The following SH3RF2 variants were observed in gnomAD, a reference collection of about 807,000 sequenced individuals.
SH3RF2 encodes the protein SH3 domain containing ring finger 2, also known as E3 ubiquitin-protein ligase SH3RF2.
Under a neutral mutation model 59.0 loss-of-function variants are expected in SH3RF2, and 43 were observed. The ratio of observed to expected loss-of-function variants is 0.73; its 90% CI spans 0.57 to 0.94. SH3RF2 has a LOEUF of 0.94. Among genes scored for constraint, SH3RF2 ranks in the 40% least tolerant of loss-of-function variants. The probability of loss-of-function intolerance (pLI) is 0.00; values close to 1 mark genes in which losing one functional copy is unlikely to be tolerated. For missense variants in SH3RF2, 930 were observed against 940.1 expected, an observed-to-expected ratio of 0.99 and a Z score of 0.14; for synonymous variants, 391 against 391.5, an observed-to-expected ratio of 1.00 and a Z score of 0.01.
chr5:146,070,580 T>C (rs961221910), intron 9 of SH3RF2, among the ~76,000 whole-genome samples: 16 of 152,202 alleles, frequency 1.1e-4, no homozygotes, highest in African/African-American at 3.4e-4. Context: ...CACTCTCTCT[T>C]CATGAGATTA....
chr5:146,042,888 G>A (rs1461663654), intron 5 of SH3RF2: 1 of 152,184 alleles, frequency 6.6e-6, no homozygotes, highest in Non-Finnish European at 1.5e-5. Flanking sequence ...TACTTACCCC[G>A]ATCTGGCTCA....
Position 146,056,066 on chromosome 5 carries a change from A to G in SH3RF2, c.1408A>G (p.Ser470Gly). 1 of 1,614,244 alleles carries G rather than the reference A, an allele frequency of 6.2e-7. No individual in the cohort carries two copies. Among genetic ancestry groups the G allele is most frequent in the Non-Finnish European group, 8.5e-7 (1 of 1,180,036 alleles). The change falls in exon 8 of 10, where the codon AGC becomes GGC. Residue 470 changes from serine to glycine, a missense_variant. Coordinates refer to ENST00000359120, the MANE Select transcript of SH3RF2 (RefSeq NM_152550.4). ...CACCTCCTCTGTGTCCTCCCAAGGC[A>G]GCATTTCAGAAGGTGATCCACGGCA... ...LSTSSVSSQG[S>G]ISEGDPRQSR...
intron 9 of SH3RF2, 73 bp from the exon 10 acceptor site, chr5:146,062,353 A>C: frequency 6.5e-7 from 1 of 1,540,326 alleles, no homozygotes; most frequent in Non-Finnish European, 8.8e-7. Context: ...GAGACATTTC[A>C]AGTGGGGACA....
rs545304409 is a variant in SH3RF2 at position 145,992,969 on chromosome 5, C to T, written c.379-7089C>T. 1.1e-4 allele frequency among the ~76,000 whole-genome samples: 17 copies of T among 152,256 alleles called. No homozygotes were observed. In the East Asian group the frequency reaches 3.3e-3, roughly 29 times the overall value. ...GTCCAAAGTCTCATCCAAGACAAGGCAAGTCCCTTTCACCTACGAGCCTGT... is the reference window on the plus strand; with the variant it reads ...GTCCAAAGTCTCATCCAAGACAAGGTAAGTCCCTTTCACCTACGAGCCTGT... On this transcript the variant is annotated intron_variant, in intron 2 of 9. Coordinates refer to ENST00000359120, the MANE Select transcript of SH3RF2 (RefSeq NM_152550.4).
At chr5:145,964,158 TTTTC>T (rs1758758376) in intron 2 of SH3RF2, among the ~76,000 whole-genome samples, 1 of 150,908 alleles carries the variant, frequency 6.6e-6, no homozygotes, top group South Asian at 2.1e-4. Context: ...TCCTTCCTTC[TTTTC>T]TTTTTTTCTT....
At chr5:146,078,681 G>C (rs1763377764) in exon 10 of SH3RF2, 1 of 152,272 alleles carries the variant, frequency 6.6e-6, no homozygotes, top group South Asian at 2.1e-4. Context: ...ATTAATGGGT[G>C]GTGGGCCAGA....
At chr5:145,953,217 TG>T (rs1758260713) in intron 2 of SH3RF2, among the ~76,000 whole-genome samples, 1 of 151,574 alleles carries the variant, frequency 6.6e-6, no homozygotes, top group Non-Finnish European at 1.5e-5. Context: ...GGGTATGAAA[TG>T]GAGGATAAAA....
At chr5:145,974,044 T>A (rs536240937) in intron 2 of SH3RF2, among the ~76,000 whole-genome samples, 18 of 152,202 alleles carry the variant, frequency 1.2e-4, no homozygotes, top group Non-Finnish European at 2.4e-4. Flanking sequence ...AGGATTCTTA[T>A]CAGGAGGCTC....
At chr5:145,963,619 T>C (rs1758722377) in intron 2 of SH3RF2, among the ~76,000 whole-genome samples, 1 of 152,068 alleles carries the variant, frequency 6.6e-6, no homozygotes. Flanking sequence ...GAAAGTTTGT[T>C]TTAATATAAA....
intron 9 of SH3RF2, among the ~76,000 whole-genome samples, chr5:146,076,997 C>A (rs1216202805): frequency 1.3e-5 from 2 of 152,144 alleles, no homozygotes; most frequent in African/African-American, 4.8e-5. Context: ...GAAAAGAAAT[C>A]AGGGTCTAGA....
chr5:146,063,760 C>T (rs775321306), downstream of SH3RF2, among the ~76,000 whole-genome samples: 12 of 151,794 alleles, frequency 7.9e-5, no homozygotes, highest in Non-Finnish European at 1.0e-4. Flanking sequence ...CTCTTGAGGC[C>T]GAGGCATGAA....
intron 2 of SH3RF2, among the ~76,000 whole-genome samples, chr5:145,953,967 A>G (rs553371285): frequency 6.6e-6 from 1 of 152,296 alleles, no homozygotes; most frequent in South Asian, 2.1e-4. Flanking sequence ...ATTGATGGGC[A>G]TTTAGATTGA....
At chr5:145,938,583 A>G (rs1205844835) in intron 2 of SH3RF2, among the ~76,000 whole-genome samples, 2 of 152,200 alleles carry the variant, frequency 1.3e-5, no homozygotes, top group Non-Finnish European at 2.9e-5. Context: ...CTTTTAGATT[A>G]TATTTTTGGT....
chr5:145,988,209 C>T (rs558985772), intron 2 of SH3RF2, among the ~76,000 whole-genome samples: 8 of 152,066 alleles, frequency 5.3e-5, no homozygotes, highest in African/African-American at 1.9e-4. Context: ...TTTACCATCT[C>T]AGACCACCCA....
In SH3RF2 at chr5:145,994,012, C is replaced by A. The variant is rs139379305; in HGVS notation, c.379-6046C>A. Among the ~76,000 whole-genome samples, 1,040 of 152,318 alleles carry A rather than the reference C, an allele frequency of 6.8e-3. 12 individuals carry two copies. The highest frequency in any genetic ancestry group is 0.024 in the African/African-American group (1,000 of 41,570). ...ATGCCTTTAACAGCACCCAAGTCAC[C>A]TCTTGAATGCTTTGCTGCTTAGAAA... On this transcript the variant is annotated intron_variant, in intron 2 of 9. Transcript: ENST00000359120.
intron 5 of SH3RF2, among the ~76,000 whole-genome samples, chr5:146,042,011 A>G (rs1762142752): frequency 6.6e-6 from 1 of 152,160 alleles, no homozygotes; most frequent in Non-Finnish European, 1.5e-5. Flanking sequence ...GGCCCTTGTT[A>G]GTTTTGGGGA....
intron 2 of SH3RF2, among the ~76,000 whole-genome samples, chr5:145,939,430 G>C (rs17104040): frequency 0.016 from 2,459 of 152,228 alleles, 69 homozygotes; most frequent in African/African-American, 0.055. Context: ...TACGCATTTG[G>C]AACAACTTTC....
rs1332458569 is a variant in SH3RF2, at chr5:145,938,306, G to A, written c.378G>A (p.Gly126=). The change falls in exon 2 of 10, where the codon GGG becomes GGA. Residue 126 remains glycine (G), a splice_region_variant and synonymous_variant. Coordinates refer to ENST00000359120, the MANE Select transcript of SH3RF2 (RefSeq NM_152550.4). ...CTAATGTCAGAATCCACATGGATGG[G>A]GTAAGAGAGATCTTATTTGCTAATA... ...LVPNVRIHMD[G]VPRAKALCNY... 6.5e-7 allele frequency: 1 copy of A among 1,528,272 alleles called. No homozygotes were observed. The highest frequency in any genetic ancestry group is 2.0e-5 in the Admixed American group (1 of 48,890). The allele number at this position is 1,528,272 out of a possible 1,614,324, so 94.7% of individuals were successfully genotyped here. A position where few individuals can be genotyped will look rare whatever the true frequency, so the allele number is the denominator to read the frequency against.
At chr5:146,054,327 C>A (rs1012954947) in intron 7 of SH3RF2, among the ~76,000 whole-genome samples, 2 of 152,156 alleles carry the variant, frequency 1.3e-5, no homozygotes, top group Non-Finnish European at 2.9e-5. Flanking sequence ...TGGAATAAGG[C>A]TGGTGTGGGC....
Sources: gnomAD v4.1 joint callset for allele counts (sites outside exome capture counted in the v4.1 genomes callset) on GRCh38, gnomAD v4.1.1 for gene constraint, MANE v1.5 for transcripts, NCBI Gene and HGNC (gene_info 2026-07-23, HGNC 2026-07-21) for gene names.